The following MYO9A variants were observed in gnomAD, a reference collection of about 807,000 sequenced individuals.
The protein encoded by MYO9A is myosin IXA.
A neutral mutation model predicts 293.3 loss-of-function variants in MYO9A; 103 were observed. The observed-to-expected ratio is 0.35, with a 90% CI of 0.30 to 0.41. The LOEUF (loss-of-function observed/expected upper bound fraction) is 0.41, where lower values mean the gene tolerates loss of function less well. Ranked by LOEUF, MYO9A falls within the 10% of genes least tolerant of loss-of-function variation. MYO9A has a pLI of 1.00. For synonymous variants in MYO9A, 1,001 were observed against 1,035.7 expected (o/e 0.97, Z 0.64); for missense variants, 2,685 against 3,033.0 (o/e 0.89, Z 2.69).
At chr15:71,841,794 G>T (rs763870863) in intron 39 of MYO9A, among the ~76,000 whole-genome samples, 8 of 144,500 alleles carry the variant, frequency 5.5e-5, no homozygotes, top group Non-Finnish European at 1.0e-4. Context: ...CGCCACCAGG[G>T]GTAGTTTTTT....
At chr15:71,923,815 T>C (rs2058219112) in intron 18 of MYO9A, among the ~76,000 whole-genome samples, 1 of 152,198 alleles carries the variant, frequency 6.6e-6, no homozygotes, top group Non-Finnish European at 1.5e-5. Flanking sequence ...CATTAACGTT[T>C]TGTATTTTTA....
At chr15:71,951,135 G>A (rs181228301) in intron 15 of MYO9A, among the ~76,000 whole-genome samples, 10 of 152,256 alleles carry the variant, frequency 6.6e-5, no homozygotes, top group Non-Finnish European at 1.0e-4. Flanking sequence ...ACATTAATGC[G>A]GTGGTTTTGC....
chr15:71,911,017 A>G lies in MYO9A; in HGVS notation c.2685+5353T>C, dbSNP rs576570914. On this transcript the variant is annotated intron_variant, in intron 19 of 41. Transcript: ENST00000356056. ...TACACAGTTATGCCACTATCACTAC[A>G]GTCCAGTTTTAGAACTCCTCTATCA... 1.4e-4 allele frequency among the ~76,000 whole-genome samples: 21 copies of G among 152,312 alleles called. 1 individual carries two copies. Among genetic ancestry groups the G allele is most frequent in the African/African-American group, 5.1e-4 (21 of 41,564 alleles).
intron 15 of MYO9A, among the ~76,000 whole-genome samples, chr15:71,951,024 A>G (rs1412060473): frequency 2.0e-5 from 3 of 152,214 alleles, no homozygotes; most frequent in African/African-American, 7.2e-5. Flanking sequence ...AAAGAGCAAG[A>G]AAGGAAACGG....
At chr15:71,866,083 C>T (rs915445374) in intron 32 of MYO9A, among the ~76,000 whole-genome samples, 20 of 152,170 alleles carry the variant, frequency 1.3e-4, no homozygotes, top group African/African-American at 4.8e-4. Flanking sequence ...AGTTTGCAGG[C>T]ACTGCCTTGA....
At chr15:72,010,755 A>G (rs2077149070) in intron 6 of MYO9A, among the ~76,000 whole-genome samples, 1 of 152,210 alleles carries the variant, frequency 6.6e-6, no homozygotes, top group Non-Finnish European at 1.5e-5. Flanking sequence ...GCTGATACTA[A>G]GTTTGATTTT....
At chr15:71,920,339 C>A (rs989910684) in intron 18 of MYO9A, among the ~76,000 whole-genome samples, 10 of 152,050 alleles carry the variant, frequency 6.6e-5, no homozygotes, top group African/African-American at 1.4e-4. Context: ...TATATTGAAA[C>A]CTAATCCTGG....
chr15:71,931,518 A>T (rs1180493823), intron 18 of MYO9A, among the ~76,000 whole-genome samples: 1 of 152,158 alleles, frequency 6.6e-6, no homozygotes, highest in East Asian at 1.9e-4. Flanking sequence ...TGCTTTTTAA[A>T]AAATACTCTG....
chr15:71,871,427 T>C (rs2056509739), intron 32 of MYO9A, among the ~76,000 whole-genome samples: 1 of 151,812 alleles, frequency 6.6e-6, no homozygotes, highest in African/African-American at 2.4e-5. Flanking sequence ...TGGACAGGTA[T>C]GGTGGCTCAC....
intron 12 of MYO9A, among the ~76,000 whole-genome samples, chr15:71,975,106 G>C (rs2076103808): frequency 6.6e-6 from 1 of 152,200 alleles, no homozygotes. Context: ...AATCTGACAA[G>C]ACTGAAAGGA....
intron 30 of MYO9A, among the ~76,000 whole-genome samples, chr15:71,878,828 C>T (rs1031738303): frequency 2.7e-5 from 4 of 148,882 alleles, no homozygotes; most frequent in Non-Finnish European, 5.9e-5. Context: ...CTCACTGCAA[C>T]CTCCACCTCA....
At chr15:71,908,020 A>G (rs1657723608) in intron 19 of MYO9A, among the ~76,000 whole-genome samples, 4 of 152,318 alleles carry the variant, frequency 2.6e-5, no homozygotes, top group African/African-American at 4.8e-5. Context: ...GTACTTGCCC[A>G]TGCCTATGTC....
chr15:71,836,325 T>C (rs1426352101), intron 39 of MYO9A, among the ~76,000 whole-genome samples: 2 of 151,892 alleles, frequency 1.3e-5, no homozygotes, highest in Non-Finnish European at 2.9e-5. Context: ...TTTTTAAAAA[T>C]AACACACCCA....
At chr15:71,910,103 TATATATATAC>T (rs1239943690) in intron 19 of MYO9A, among the ~76,000 whole-genome samples, 261 of 143,442 alleles carry the variant, frequency 1.8e-3, no homozygotes, top group Non-Finnish European at 2.8e-3. Flanking sequence ...TATATATACG[TATATATATAC>T]GTGTATATAT....
intron 11 of MYO9A, among the ~76,000 whole-genome samples, chr15:71,990,077 C>G (rs1002695859): frequency 1.7e-5 from 2 of 119,152 alleles, no homozygotes; most frequent in Non-Finnish European, 3.5e-5. Context: ...ATCAAATAAG[C>G]ATATATAAGC....
chr15:72,047,645 G>C (rs1344168744), intron 1 of MYO9A, among the ~76,000 whole-genome samples: 3 of 151,336 alleles, frequency 2.0e-5, no homozygotes, highest in East Asian at 3.9e-4. Context: ...ATCTTCATTA[G>C]TTAGTTATAT....
chr15:72,043,435 C>G (rs1324783411), intron 2 of MYO9A, among the ~76,000 whole-genome samples: 2 of 151,982 alleles, frequency 1.3e-5, no homozygotes, highest in Non-Finnish European at 2.9e-5. Flanking sequence ...TAAAAACAAC[C>G]CATATATCCA....
intron 17 of MYO9A, 110 bp from the exon 18 acceptor site, chr15:71,933,819 C>A (rs549171523): frequency 3.4e-6 from 3 of 871,460 alleles, no homozygotes; most frequent in Non-Finnish European, 5.5e-6. Flanking sequence ...AGATTATATA[C>A]CCATTACCAA....
At chr15:72,069,477 T>C (rs2079117768) in intron 1 of MYO9A, among the ~76,000 whole-genome samples, 1 of 152,080 alleles carries the variant, frequency 6.6e-6, no homozygotes, top group South Asian at 2.1e-4. Context: ...GTTTGTTGAA[T>C]AAATATGTGA....
Sources: allele counts gnomAD v4.1 joint callset (sites outside exome capture counted in the v4.1 genomes callset), GRCh38; gene constraint gnomAD v4.1.1; transcripts MANE v1.5; gene names NCBI Gene and HGNC (gene_info 2026-07-23, HGNC 2026-07-21).